The following NAP1L2 variants were observed in gnomAD, a reference collection of about 807,000 sequenced individuals.
NAP1L2 encodes the protein nucleosome assembly protein 1 like 2, also known as nucleosome assembly protein 1-like 2.
For missense variants in NAP1L2, 376 were observed against 338.5 expected (o/e 1.11, Z -0.87); for synonymous variants, 165 against 126.0 (o/e 1.31, Z -2.07).
chrX:73,214,283 C>T lies in NAP1L2; in HGVS notation c.210G>A (p.Gly70=). Residue 70 remains glycine, a synonymous_variant, in exon 1 of 1, where the codon GGG becomes GGA. Coordinates refer to ENST00000373517, the MANE Select transcript of NAP1L2 (RefSeq NM_021963.4). ...TATCGCCACCTTTTTTCCCATCTTC[C>T]CCGGACCCAGCAGCAGTATCTTCAC... ...ENGEDTAAGS[G]EDGKKGGDTD... The T allele has an allele frequency of 8.3e-7, 1 of 1,211,136 alleles. No individual in the cohort carries two copies. The highest frequency in any genetic ancestry group is 1.1e-6 in the Non-Finnish European group (1 of 895,417).
At position 73,213,047 on chromosome X, in the gene NAP1L2, G is replaced by C. The variant is rs910602678; in HGVS notation, c.*63C>G. 1.0e-6 allele frequency: 1 copy of C among 989,487 alleles called. No homozygotes were observed. Among genetic ancestry groups the C allele is most frequent in the Non-Finnish European group, 1.4e-6 (1 of 738,593 alleles). The allele number at this position is 989,487 out of a possible 1,213,427, so 81.5% of individuals were successfully genotyped here. A position where few individuals can be genotyped will look rare whatever the true frequency, so the allele number is the denominator to read the frequency against. Reference sequence around the variant, plus strand: ...CTACAAGAAAAATACAGAACACAAGGCTTCTTATACCTTGAGTAACTATAT... The same window carrying C: ...CTACAAGAAAAATACAGAACACAAGCCTTCTTATACCTTGAGTAACTATAT... On this transcript the variant is annotated 3_prime_UTR_variant, in exon 1 of 1. Transcript: ENST00000373517.
In NAP1L2 at chrX:73,213,656, A is replaced by G. The variant is rs763384450; in HGVS notation, c.837T>C (p.Pro279=). ...LTDIKVKLSD[P]GEPLSFTLEF... ...CTAGTGTGAAACTGAGGGGCTCGCCAGGATCTGAAAGCTTAACTTTAATAT... is the reference window on the plus strand; with the variant it reads ...CTAGTGTGAAACTGAGGGGCTCGCCGGGATCTGAAAGCTTAACTTTAATAT... Residue 279 remains proline (P), a synonymous_variant, in exon 1 of 1, where the codon CCT becomes CCC. Coordinates refer to ENST00000373517, the MANE Select transcript of NAP1L2 (RefSeq NM_021963.4). 2.5e-6 allele frequency: 3 copies of G among 1,211,242 alleles called. No homozygotes were observed. Among genetic ancestry groups the G allele is most frequent in the Admixed American group, 4.4e-5 (2 of 45,857 alleles).
In NAP1L2 at chrX:73,214,437, C is replaced by A. The variant is rs1261738332; in HGVS notation, c.56G>T (p.Gly19Val). ...ELSESSQEEA[G>V]NQIMVEGLGE... Reference sequence around the variant, plus strand: ...GAGCCCTTCCACCATTATCTGATTACCAGCCTCTTCTTGACTGGATTCTGA... The same window carrying A: ...GAGCCCTTCCACCATTATCTGATTAACAGCCTCTTCTTGACTGGATTCTGA... Residue 19 changes from glycine to valine, a missense_variant, in exon 1 of 1, where the codon GGT (glycine) becomes GTT (valine). By Grantham distance (109) the Gly-to-Val change is moderately radical (BLOSUM62 -3). Transcript: ENST00000373517. The A allele has an allele frequency of 2.5e-6, 3 of 1,211,335 alleles. No individual in the cohort carries two copies. The highest frequency in any genetic ancestry group is 1.8e-5 in the South Asian group (1 of 56,874).
rs774707383 is a variant in NAP1L2 at position 73,212,858 on chromosome X, C to T, written c.*252G>A. 3.2e-5 allele frequency: 9 copies of T among 283,507 alleles called. No homozygotes were observed. Among genetic ancestry groups the T allele is most frequent in the Admixed American group, 5.7e-5 (1 of 17,506 alleles). The allele number at this position is 283,507 out of a possible 1,213,427, so 23.4% of individuals were successfully genotyped here. A position where few individuals can be genotyped will look rare whatever the true frequency, so the allele number is the denominator to read the frequency against. ...TAGCCACAGATTAATAGCTACATGA[C>T]AAAAAGACTTCAGAAGGATTAAGCT... On this transcript the variant is annotated 3_prime_UTR_variant, in exon 1 of 1. Coordinates refer to ENST00000373517, the MANE Select transcript of NAP1L2 (RefSeq NM_021963.4).
In NAP1L2 at chrX:73,213,996, C is replaced by A; in HGVS notation, c.497G>T (p.Cys166Phe). 2.5e-6 allele frequency: 3 copies of A among 1,211,382 alleles called. No individual in the cohort carries two copies. The highest frequency in any genetic ancestry group is 2.2e-6 in the Non-Finnish European group (2 of 895,430). The change falls in exon 1 of 1, where the codon TGT (cysteine) becomes TTT (phenylalanine). Residue 166 changes from cysteine (C) to phenylalanine (F), a missense_variant. By Grantham distance (205) the Cys-to-Phe change is radical. Coordinates refer to ENST00000373517, the MANE Select transcript of NAP1L2 (RefSeq NM_021963.4). The stretch of plus-strand genomic sequence containing the variant: ...GTCCTCAGAGTCTGATTTATATTCA[C>A]ATTCCTCTTCTGTAGGTTCATAGAT... ...NAIYEPTEEECEYKSDSEDCD... is the reference protein window; with the variant it reads ...NAIYEPTEEEFEYKSDSEDCD...
chrX:73,214,130 T>C lies in NAP1L2; in HGVS notation c.363A>G (p.Arg121=). 5.0e-6 allele frequency: 6 copies of C among 1,211,557 alleles called. No individual in the cohort carries two copies. The highest frequency in any genetic ancestry group is 5.6e-6 in the Non-Finnish European group (5 of 895,530). ...GGAATTTGGATTCTAAATTGGCCGC[T>C]CTAGTTTGAAGCTTTTTAAGGGCTA... is the stretch of plus-strand genomic sequence containing the variant. ...RVLALKKLQT[R]AANLESKFLR... The change falls in exon 1 of 1, where the codon AGA becomes AGG. Residue 121 remains arginine (R), a synonymous_variant. Coordinates refer to ENST00000373517, the MANE Select transcript of NAP1L2 (RefSeq NM_021963.4).
Position 73,214,047 on chromosome X carries a change from T to A in NAP1L2, c.446A>T (p.Glu149Val). ...KFAEMYQPLL[E>V]KRRQIINAIY... Reference sequence around the variant, plus strand: ...TGCATTGATGATCTGACGTCTTTTTTCCAGTAAGGGTTGGTACATTTCAGC... The same window carrying A: ...TGCATTGATGATCTGACGTCTTTTTACCAGTAAGGGTTGGTACATTTCAGC... The change falls in exon 1 of 1, where the codon GAA becomes GTA. Residue 149 changes from glutamate (E) to valine (V), a missense_variant. Physicochemically the swap from Glu to Val is moderately radical, Grantham distance 121 (BLOSUM62 -2). Coordinates refer to ENST00000373517, the MANE Select transcript of NAP1L2 (RefSeq NM_021963.4). 1 of 1,211,413 alleles carries A rather than the reference T, an allele frequency of 8.3e-7. No homozygotes were observed. The highest frequency in any genetic ancestry group is 1.1e-6 in the Non-Finnish European group (1 of 895,413).
Position 73,214,700 on chromosome X carries a change from G to A in NAP1L2, c.-208C>T. ...CCGGACTGAAGCAGTGGCGACCTGG[G>A]CTGGGTGCAGAGGGCGGCGACGGCT... On this transcript the variant is annotated 5_prime_UTR_variant, in exon 1 of 1. Transcript: ENST00000373517. The A allele has an allele frequency of 2.3e-6, 1 of 430,311 alleles. No homozygotes were observed. Among genetic ancestry groups the A allele is most frequent in the Non-Finnish European group, 4.0e-6 (1 of 248,227 alleles). 35.5% of individuals were successfully genotyped at this position (430,311 alleles called of 1,213,427 possible). A position where few individuals can be genotyped will look rare whatever the true frequency, so the allele number is the denominator to read the frequency against.
In NAP1L2 at chrX:73,214,826, G is replaced by T; in HGVS notation, c.-334C>A. The T allele has an allele frequency of 5.1e-6, 1 of 197,644 alleles. No homozygotes were observed. The highest frequency in any genetic ancestry group is 1.0e-5 in the Non-Finnish European group (1 of 100,288). The allele number at this position is 197,644 out of a possible 1,213,427, so 16.3% of individuals were successfully genotyped here. ...ACTGCTGCAAGAAAAAAACGGTGCC[G>T]CAGTATGATTACGCAGCTATCACTT... On this transcript the variant is annotated 5_prime_UTR_variant, in exon 1 of 1. Transcript: ENST00000373517.
Position 73,214,415 on chromosome X carries a change from C to T in NAP1L2, c.78G>A (p.Gly26=). Residue 26 remains glycine, a synonymous_variant, in exon 1 of 1, where the codon GGG becomes GGA. Transcript: ENST00000373517. ...CACCGCGCTCCAGATGTTCCCCGAG[C>T]CCTTCCACCATTATCTGATTACCAG... The part of the protein sequence containing the change: ...EEAGNQIMVE[G]LGEHLERGED... 1 of 1,211,466 alleles carries T rather than the reference C, an allele frequency of 8.3e-7. No homozygotes were observed. Among genetic ancestry groups the T allele is most frequent in the Non-Finnish European group, 1.1e-6 (1 of 895,480 alleles).
chrX:73,214,382 G>A lies in NAP1L2; in HGVS notation c.111C>T (p.Ala37=), dbSNP rs2147966732. ...LGEHLERGED[A]AAGLGDDGKC... ...TCCCATCGTCTCCAAGCCCAGCAGC[G>A]GCATCTTCACCGCGCTCCAGATGTT... Residue 37 remains alanine (A), a synonymous_variant, in exon 1 of 1, where the codon GCC becomes GCT. Coordinates refer to ENST00000373517, the MANE Select transcript of NAP1L2 (RefSeq NM_021963.4). 1 of 1,210,875 alleles carries A rather than the reference G, an allele frequency of 8.3e-7. No individual in the cohort carries two copies. Among genetic ancestry groups the A allele is most frequent in the Non-Finnish European group, 1.1e-6 (1 of 895,353 alleles).
In NAP1L2 at chrX:73,213,156, G is replaced by A. The variant is rs1304106096; in HGVS notation, c.1337C>T (p.Ala446Val). ...NWMAAIEEVK[A>V]CCKNLEALVE... ...TAATGCCTCAAGGTTTTTGCAACAA[G>A]CTTTAACTTCCTCAATTGCAGCCAT... Residue 446 changes from alanine (A) to valine (V), a missense_variant, in exon 1 of 1, where the codon GCT (alanine) becomes GTT (valine). Physicochemically the swap from Ala to Val is moderately conservative, Grantham distance 64 (BLOSUM62 0). Coordinates refer to ENST00000373517, the MANE Select transcript of NAP1L2 (RefSeq NM_021963.4). The A allele has an allele frequency of 8.3e-7, 1 of 1,210,021 alleles. No individual in the cohort carries two copies.
rs778596376 is a variant in NAP1L2 at position 73,214,597 on chromosome X, C to A, written c.-105G>T. 2.5e-5 allele frequency: 23 copies of A among 910,006 alleles called. No homozygotes were observed. Among genetic ancestry groups the A allele is most frequent in the Non-Finnish European group, 3.4e-5 (22 of 655,265 alleles). 75.0% of individuals were successfully genotyped at this position (910,006 alleles called of 1,213,427 possible). A position where few individuals can be genotyped will look rare whatever the true frequency, so the allele number is the denominator to read the frequency against. On this transcript the variant is annotated 5_prime_UTR_variant, in exon 1 of 1. Coordinates refer to ENST00000373517, the MANE Select transcript of NAP1L2 (RefSeq NM_021963.4). Reference sequence around the variant, plus strand: ...AATATCAGAAGCGGCGGTGGTCGGACCTAGCAGTGGCGTCCGGACTGAGGG... The same window carrying A: ...AATATCAGAAGCGGCGGTGGTCGGAACTAGCAGTGGCGTCCGGACTGAGGG...
chrX:73,213,057 C>T lies in NAP1L2; in HGVS notation c.*53G>A. ...AATACAGAACACAAGGCTTCTTATACCTTGAGTAACTATATCTAGGGCAGT... is the reference window on the plus strand; with the variant it reads ...AATACAGAACACAAGGCTTCTTATATCTTGAGTAACTATATCTAGGGCAGT... On this transcript the variant is annotated 3_prime_UTR_variant, in exon 1 of 1. Coordinates refer to ENST00000373517, the MANE Select transcript of NAP1L2 (RefSeq NM_021963.4). The T allele has an allele frequency of 9.6e-7, 1 of 1,045,882 alleles. No homozygotes were observed. Among genetic ancestry groups the T allele is most frequent in the Non-Finnish European group, 1.3e-6 (1 of 782,957 alleles). The allele number at this position is 1,045,882 out of a possible 1,213,427, so 86.2% of individuals were successfully genotyped here. A position where few individuals can be genotyped will look rare whatever the true frequency, so the allele number is the denominator to read the frequency against.
At position 73,214,326 on chromosome X, in the gene NAP1L2, C is replaced by G; in HGVS notation, c.167G>C (p.Gly56Ala). 1 of 1,211,111 alleles carries G rather than the reference C, an allele frequency of 8.3e-7. No individual in the cohort carries two copies. Among genetic ancestry groups the G allele is most frequent in the South Asian group, 1.8e-5 (1 of 56,891 alleles). ...ATCTTCACCGTTTTCCCCTTCTTCC[C>G]CAAGCCCAGCGGCAGCTTCTTCACC... is the stretch of plus-strand genomic sequence containing the variant. ...KCGEEAAAGL[G>A]EEGENGEDTA... is the part of the protein sequence containing the mutation. Residue 56 changes from glycine (G) to alanine (A), a missense_variant, in exon 1 of 1, where the codon GGG (glycine) becomes GCG (alanine). Coordinates refer to ENST00000373517, the MANE Select transcript of NAP1L2 (RefSeq NM_021963.4).
Position 73,214,133 on chromosome X carries a change from A to G in NAP1L2, c.360T>C (p.Thr120=), listed in dbSNP as rs775065647. ...ATTTGGATTCTAAATTGGCCGCTCT[A>G]GTTTGAAGCTTTTTAAGGGCTAACA... ...YRVLALKKLQ[T]RAANLESKFL... The change falls in exon 1 of 1, where the codon ACT becomes ACC. Residue 120 remains threonine (T), a synonymous_variant. Transcript: ENST00000373517. The G allele has an allele frequency of 4.1e-6, 5 of 1,209,482 alleles. No homozygotes were observed. Among genetic ancestry groups the G allele is most frequent in the Non-Finnish European group, 4.5e-6 (4 of 895,224 alleles).
Position 73,214,039 on chromosome X carries a change from G to A in NAP1L2, c.454C>T (p.Arg152Cys). The A allele has an allele frequency of 8.3e-7, 1 of 1,210,568 alleles. No individual in the cohort carries two copies. The highest frequency in any genetic ancestry group is 1.1e-6 in the Non-Finnish European group (1 of 895,007). The change falls in exon 1 of 1, where the codon CGT (arginine) becomes TGT (cysteine). Residue 152 changes from arginine to cysteine, a missense_variant. Coordinates refer to ENST00000373517, the MANE Select transcript of NAP1L2 (RefSeq NM_021963.4). ...EMYQPLLEKRRQIINAIYEPT... is the reference protein window; with the variant it reads ...EMYQPLLEKRCQIINAIYEPT... ...TCATAGATTGCATTGATGATCTGAC[G>A]TCTTTTTTCCAGTAAGGGTTGGTAC...
rs1431552135 is a variant in NAP1L2, at chrX:73,214,823, G to A, written c.-331C>T. On this transcript the variant is annotated 5_prime_UTR_variant, in exon 1 of 1. Transcript: ENST00000373517. Reference sequence around the variant, plus strand: ...GCTACTGCTGCAAGAAAAAAACGGTGCCGCAGTATGATTACGCAGCTATCA... The same window carrying A: ...GCTACTGCTGCAAGAAAAAAACGGTACCGCAGTATGATTACGCAGCTATCA... 1 of 198,679 alleles carries A rather than the reference G, an allele frequency of 5.0e-6. No individual in the cohort carries two copies. Among genetic ancestry groups the A allele is most frequent in the East Asian group, 1.1e-4 (1 of 9,089 alleles). 16.4% of individuals were successfully genotyped at this position (198,679 alleles called of 1,213,427 possible).
At position 73,214,336 on chromosome X, in the gene NAP1L2, C is replaced by A; in HGVS notation, c.157G>T (p.Ala53Ser). 1.7e-6 allele frequency: 2 copies of A among 1,211,253 alleles called. No homozygotes were observed. The highest frequency in any genetic ancestry group is 1.7e-5 in the African/African-American group (1 of 57,635). The change falls in exon 1 of 1, where the codon GCT becomes TCT. Residue 53 changes from alanine to serine, a missense_variant. Coordinates refer to ENST00000373517, the MANE Select transcript of NAP1L2 (RefSeq NM_021963.4). ...TTTTCCCCTTCTTCCCCAAGCCCAG[C>A]GGCAGCTTCTTCACCGCACTTCCCA... ...DDGKCGEEAAAGLGEEGENGE... is the reference protein window; with the variant it reads ...DDGKCGEEAASGLGEEGENGE...
Sources: allele counts gnomAD v4.1 joint callset, GRCh38; gene constraint gnomAD v4.1.1; transcripts MANE v1.5; gene names NCBI Gene and HGNC (gene_info 2026-07-23, HGNC 2026-07-21).